The following CRAT variants were observed in gnomAD, a reference collection of about 807,000 sequenced individuals.
CRAT encodes the protein carnitine acetylase.
In CRAT, 66 loss-of-function variants were observed where a neutral mutation model predicts 73.7. That is an observed-to-expected ratio of 0.90 (90% CI 0.73 to 1.10). The LOEUF is 1.10. Ranked by LOEUF, CRAT falls within the 50% of genes least tolerant of loss-of-function variation. The pLI is 0.00. For missense variants in CRAT, 745 were observed against 846.9 expected, an observed-to-expected ratio of 0.88 and a Z score of 1.49; for synonymous variants, 321 against 343.2, an observed-to-expected ratio of 0.94 and a Z score of 0.71.
intron 1 of CRAT, chr9:129,108,567 C>T: frequency 9.1e-7 from 1 of 1,095,370 alleles, no homozygotes; most frequent in African/African-American, 1.7e-5. Flanking sequence ...CCTTGGGCTT[C>T]CTCCTGCCTT....
At chr9:129,109,825 G>A (rs911390588) in intron 1 of CRAT, among the ~76,000 whole-genome samples, 1 of 151,972 alleles carries the variant, frequency 6.6e-6, no homozygotes, top group African/African-American at 2.4e-5. Flanking sequence ...CTAGCATCCG[G>A]GCTGCTCACC....
At chr9:129,101,677 A>C (rs1039123068) in intron 6 of CRAT, among the ~76,000 whole-genome samples, 1 of 152,226 alleles carries the variant, frequency 6.6e-6, no homozygotes, top group Non-Finnish European at 1.5e-5. Context: ...ACTGCACTCA[A>C]TAGTGTGGAG....
Position 129,104,249 on chromosome 9 carries a change from A to G in CRAT, c.349T>C (p.Tyr117His). The part of the protein sequence containing the change: ...YLQYRQPVVI[Y>H]SSPGVMLPKQ... ...GGTAGCATCACGCCTGGGCTCGAGT[A>G]GATGACCACAGGCTGGCGGTACTGG... Residue 117 changes from tyrosine to histidine, a missense_variant, in exon 3 of 14, where the codon TAC (tyrosine) becomes CAC (histidine). By Grantham distance (83) the Tyr-to-His change is moderately conservative. Transcript: ENST00000318080. 6.2e-7 allele frequency: 1 copy of G among 1,613,706 alleles called. No individual in the cohort carries two copies. The highest frequency in any genetic ancestry group is 8.5e-7 in the Non-Finnish European group (1 of 1,179,842).
At position 129,100,504 on chromosome 9, in the gene CRAT, G is replaced by A; in HGVS notation, c.984+7C>T. On this transcript the variant is annotated splice_region_variant and intron_variant, in intron 7 of 13. Coordinates refer to ENST00000318080, the MANE Select transcript of CRAT (RefSeq NM_000755.5). ...GTGTGAGTGGGCGAAGCCCTGCCGG[G>A]CCTCACCTGCAGCGTCTTGTCGAAC... 6.2e-7 allele frequency: 1 copy of A among 1,611,070 alleles called. No homozygotes were observed. The highest frequency in any genetic ancestry group is 8.5e-7 in the Non-Finnish European group (1 of 1,178,730).
rs1847178442 is a variant in CRAT at position 129,094,899 on chromosome 9, A to ACCAG, written c.*497_*498insCTGG. 1 of 167,180 alleles carries ACCAG rather than the reference A, an allele frequency of 6.0e-6. No individual in the cohort carries two copies. The highest frequency in any genetic ancestry group is 1.3e-5 in the Non-Finnish European group (1 of 77,278). The allele number at this position is 167,180 out of a possible 1,614,324, so 10.4% of individuals were successfully genotyped here. A position where few individuals can be genotyped will look rare whatever the true frequency, so the allele number is the denominator to read the frequency against. On this transcript the variant is annotated 3_prime_UTR_variant, in exon 14 of 14. Transcript: ENST00000318080. Reference sequence around the variant, plus strand: ...TGGAACCAGAGGCGGCTCGCTAGCAATGTTATCCACAGGAGCACAGCCGCA... The same window carrying ACCAG: ...TGGAACCAGAGGCGGCTCGCTAGCAACCAGTGTTATCCACAGGAGCACAGCCGCA...
chr9:129,100,399 CT>C lies in CRAT; in HGVS notation c.984+111del, dbSNP rs1184894000. 4 of 1,310,588 alleles carry C rather than the reference CT, an allele frequency of 3.1e-6. No individual in the cohort carries two copies. In the Admixed American group the frequency reaches 7.2e-5, roughly 24 times the overall value. 81.2% of individuals were successfully genotyped at this position (1,310,588 alleles called of 1,614,324 possible). ...GTCCAGCCTGCTGGCTTCCTGCCTG[CT>C]TTACAAGCTAGGAGGCTGGGGACGC... On this transcript the variant is annotated intron_variant, in intron 7 of 13. Transcript: ENST00000318080.
intron 1 of CRAT, among the ~76,000 whole-genome samples, chr9:129,109,648 A>G (rs10988209): frequency 0.65 from 99,287 of 151,948 alleles, 34,768 homozygotes; most frequent in Middle Eastern, 0.84. Context: ...CTTGGGAGAC[A>G]GTGACAAGGG....
Position 129,097,880 on chromosome 9 carries a change from C to T in CRAT, c.1464+133G>A. The T allele has an allele frequency of 5.3e-6, 7 of 1,313,950 alleles. No homozygotes were observed. The Admixed American group carries it at 1.3e-4, about 25-fold the overall frequency. 81.4% of individuals were successfully genotyped at this position (1,313,950 alleles called of 1,614,324 possible). A position where few individuals can be genotyped will look rare whatever the true frequency, so the allele number is the denominator to read the frequency against. On this transcript the variant is annotated intron_variant, in intron 11 of 13. Coordinates refer to ENST00000318080, the MANE Select transcript of CRAT (RefSeq NM_000755.5). Reference sequence around the variant, plus strand: ...AAGCTCAGAGCTAGATTCACGGCTCCAGCTTCTGTTAGATTCCCCGTGCCC... The same window carrying T: ...AAGCTCAGAGCTAGATTCACGGCTCTAGCTTCTGTTAGATTCCCCGTGCCC...
intron 5 of CRAT, 88 bp from the exon 6 acceptor site, chr9:129,102,145 G>C: frequency 6.9e-7 from 1 of 1,444,260 alleles, no homozygotes; most frequent in Non-Finnish European, 9.4e-7. Flanking sequence ...CCTCCTCCTG[G>C]CCTTGGCCTT....
chr9:129,101,812 G>A, intron 6 of CRAT, 71 bp downstream of exon 6: 4 of 1,520,806 alleles, frequency 2.6e-6, no homozygotes, highest in Non-Finnish European at 3.6e-6. Flanking sequence ...CCCTACAGGT[G>A]GAGTTGAGGC....
rs1848005126 is a variant in CRAT, at chr9:129,106,204, G to A, written c.291+1610C>T. 6.6e-6 allele frequency among the ~76,000 whole-genome samples: 1 copy of A among 152,186 alleles called. No homozygotes were observed. On this transcript the variant is annotated intron_variant, in intron 2 of 13. Coordinates refer to ENST00000318080, the MANE Select transcript of CRAT (RefSeq NM_000755.5). This position sits in a 1 kb window ranked among gnomAD's most constrained non-coding sequence, Gnocchi z 4.0. ...CAAGTTGTACAACAGGTGACTGGTA[G>A]CCCCTAAGAACTGGGTCCCTGAGTC...
chr9:129,098,109 G>A lies in CRAT; in HGVS notation c.1368C>T (p.Ser456=), dbSNP rs1480535546. Residue 456 remains serine (S), a synonymous_variant, in exon 11 of 14, where the codon TCC becomes TCT. Coordinates refer to ENST00000318080, the MANE Select transcript of CRAT (RefSeq NM_000755.5). ...GQACATYESA[S]LRMFHLGRTD... ...TGCGGCCCAGGTGAAACATGCGCAG[G>A]GAGGCACTTTCATAGGTGGCACATG... 2.5e-6 allele frequency: 4 copies of A among 1,613,924 alleles called. No homozygotes were observed. The highest frequency in any genetic ancestry group is 3.4e-6 in the Non-Finnish European group (4 of 1,180,050).
chr9:129,101,848 G>A (rs767337608), intron 6 of CRAT, 35 bp downstream of exon 6: 1 of 1,604,638 alleles, frequency 6.2e-7, no homozygotes, highest in Admixed American at 1.7e-5. Context: ...GAAGAGGCCT[G>A]GGTGTGCAGC....
intron 4 of CRAT, 118 bp downstream of exon 4, chr9:129,102,895 C>T: frequency 1.0e-6 from 1 of 968,916 alleles, no homozygotes; most frequent in East Asian, 2.4e-5. Context: ...ATTCCAGCAG[C>T]TGGAGCAGGG....
chr9:129,105,585 G>A (rs968866812), intron 2 of CRAT, among the ~76,000 whole-genome samples: 1 of 152,146 alleles, frequency 6.6e-6, no homozygotes, highest in African/African-American at 2.4e-5. Context: ...GCTTCCCAAA[G>A]TGCTGGGATT....
intron 4 of CRAT, 35 bp from the exon 5 acceptor site, chr9:129,102,600 G>GC: frequency 6.2e-7 from 1 of 1,609,982 alleles, no homozygotes; most frequent in Non-Finnish European, 8.5e-7. Flanking sequence ...CCACCACTGG[G>GC]CAAGTGAATG....
intron 13 of CRAT, 44 bp from the exon 14 acceptor site, chr9:129,095,656 G>GC (rs1847238836): frequency 6.4e-7 from 1 of 1,572,356 alleles, no homozygotes; most frequent in Non-Finnish European, 8.6e-7. Context: ...CTACCTTGAC[G>GC]CCCCCAGCAC....
chr9:129,108,198 G>A, intron 1 of CRAT, 121 bp from the exon 2 acceptor site: 1 of 1,328,114 alleles, frequency 7.5e-7, no homozygotes, highest in Non-Finnish European at 9.9e-7. Flanking sequence ...CTCTTGGGTG[G>A]GGCTGGCCCT....
chr9:129,100,811 A>ATAC, intron 6 of CRAT, 122 bp from the exon 7 acceptor site: 1 of 1,208,250 alleles, frequency 8.3e-7, no homozygotes, highest in Non-Finnish European at 1.1e-6. Context: ...CTCTGGGATG[A>ATAC]GGAGACCCCC....
Sources: gnomAD v4.1 joint callset for allele counts (sites outside exome capture counted in the v4.1 genomes callset) on GRCh38, gnomAD v4.1.1 for gene constraint, Gnocchi (gnomAD v3.1) non-coding constraint, MANE v1.5 for transcripts, NCBI Gene and HGNC (gene_info 2026-07-23, HGNC 2026-07-21) for gene names.